VAT1L: variants seen among roughly 807,000 people sequenced by gnomAD.
VAT1L encodes putative NADPH-dependent quinone oxidoreductase VAT1L.
Under a neutral mutation model 44.1 loss-of-function variants are expected in VAT1L, and 34 were observed. The ratio of observed to expected loss-of-function variants is 0.77; its 90% confidence interval spans 0.59 to 1.03. The LOEUF (loss-of-function observed/expected upper bound fraction) is 1.03. Ranked by LOEUF, VAT1L falls within the 50% of genes least tolerant of loss-of-function variation. The probability of loss-of-function intolerance (pLI) is 0.00; values close to 1 mark genes in which losing one functional copy is unlikely to be tolerated. For missense variants in VAT1L, 615 were observed against 538.8 expected (o/e 1.14, Z -1.40); for synonymous variants, 253 against 202.2 (o/e 1.25, Z -2.13).
rs66461822 is a variant in VAT1L, at chr16:77,946,279, C to CT, written c.1078-25549dup. 1.4e-4 allele frequency among the ~76,000 whole-genome samples: 10 copies of CT among 70,428 alleles called. 1 individual carries two copies. The highest frequency in any genetic ancestry group is 3.2e-4 in the African/African-American group (6 of 18,904). The allele number at this position is 70,428 out of a possible 152,430, so 46.2% of individuals were successfully genotyped here. A position where few individuals can be genotyped will look rare whatever the true frequency, so the allele number is the denominator to read the frequency against. Reference sequence around the variant, plus strand: ...GTTCTGGACATCTAGGTTACTTGTTCTTTTTTTTTTTTTTTTTTTTTTGAG... The same window carrying CT: ...GTTCTGGACATCTAGGTTACTTGTTCTTTTTTTTTTTTTTTTTTTTTTTGAG... On this transcript the variant is annotated intron_variant, in intron 7 of 8. Transcript: ENST00000302536.
intron 7 of VAT1L, among the ~76,000 whole-genome samples, chr16:77,894,250 G>A (rs1375028302): frequency 2.0e-5 from 3 of 152,194 alleles, no homozygotes; most frequent in Non-Finnish European, 2.9e-5. Flanking sequence ...GAACCACCAC[G>A]GCCATCTGAC....
intron 3 of VAT1L, among the ~76,000 whole-genome samples, chr16:77,846,904 G>T (rs1567486161): frequency 6.6e-6 from 1 of 152,118 alleles, no homozygotes; most frequent in Admixed American, 6.5e-5. Context: ...ATACATATTA[G>T]AAAACTACTG....
At chr16:77,790,565 T>G (rs2015815250) in intron 1 of VAT1L, among the ~76,000 whole-genome samples, 1 of 152,096 alleles carries the variant, frequency 6.6e-6, no homozygotes, top group Admixed American at 6.6e-5. Context: ...AACCATGCAT[T>G]TAGAACTCTC....
At chr16:77,943,647 CT>C (rs2017921453) in intron 7 of VAT1L, among the ~76,000 whole-genome samples, 1 of 151,528 alleles carries the variant, frequency 6.6e-6, no homozygotes, top group African/African-American at 2.4e-5. Flanking sequence ...CATGATCCGC[CT>C]GTCTCGGCCT....
rs775102120 is a variant in VAT1L, at chr16:77,884,787, G to A, written c.1062G>A (p.Leu354=). 1.3e-6 allele frequency: 2 copies of A among 1,526,434 alleles called. 1 individual carries two copies. Among genetic ancestry groups the A allele is most frequent in the South Asian group, 2.6e-5 (2 of 76,866 alleles). The allele number at this position is 1,526,434 out of a possible 1,614,324, so 94.6% of individuals were successfully genotyped here. The stretch of plus-strand genomic sequence containing the variant: ...AGATCAAGCCTGTGGTGGACTCCTT[G>A]TGGGCTCTGGAGGAGGTAAGAATGG... ...QKKIKPVVDS[L]WALEEVKEAM... The change falls in exon 7 of 9, where the codon TTG becomes TTA. Residue 354 remains leucine, a synonymous_variant. Transcript: ENST00000302536. This position sits in a 1 kb window ranked among gnomAD's most constrained non-coding sequence, Gnocchi z 4.5.
Position 77,806,961 on chromosome 16 carries a change from G to GGGAT in VAT1L, c.234-9959_234-9956dup, listed in dbSNP as rs1376769855. ...GAGCAAGAGGCACGCCCATTCCTAA[G>GGGAT]GGATACTTTCTGTGAGAAGCACCTG... On this transcript the variant is annotated intron_variant, in intron 1 of 8. Transcript: ENST00000302536. Among the ~76,000 whole-genome samples the GGGAT allele has an allele frequency of 1.7e-4, 26 of 152,096 alleles. 1 individual carries two copies. Among genetic ancestry groups the GGGAT allele is most frequent in the Non-Finnish European group, 2.9e-5 (2 of 68,028 alleles).
At chr16:77,934,585 C>A (rs928446283) in intron 7 of VAT1L, among the ~76,000 whole-genome samples, 7 of 151,968 alleles carry the variant, frequency 4.6e-5, no homozygotes, top group African/African-American at 1.7e-4. Flanking sequence ...CATAATAAAC[C>A]CCTGTTGGTT....
rs574922547 is a variant in VAT1L at position 77,881,402 on chromosome 16, G to T, written c.882+2178G>T. ...GACAAACCCAAAATAAGCAAGATAT[G>T]TTAATTAACATGATTATAAATGGCT... On this transcript the variant is annotated intron_variant, in intron 6 of 8. Transcript: ENST00000302536. Among the ~76,000 whole-genome samples, 6 of 152,318 alleles carry T rather than the reference G, an allele frequency of 3.9e-5. No individual in the cohort carries two copies. In the South Asian group the frequency reaches 1.2e-3, roughly 32 times the overall value.
At chr16:77,836,773 C>G (rs1218348256) in intron 3 of VAT1L, among the ~76,000 whole-genome samples, 3 of 152,178 alleles carry the variant, frequency 2.0e-5, no homozygotes, top group Admixed American at 6.5e-5. Flanking sequence ...TTGTTTTTAT[C>G]TCCTTGACCG....
rs112017628 is a variant in VAT1L, at chr16:77,906,799, C to A, written c.1077+21997C>A. 5.5e-3 allele frequency among the ~76,000 whole-genome samples: 838 copies of A among 152,290 alleles called. 15 individuals are homozygous for A. The highest frequency in any genetic ancestry group is 0.019 in the African/African-American group (800 of 41,566). ...ACATCAGAGCTACCTCTGGGTGAAG[C>A]AGAGCTAAAGGCAGGGCCCAAGGAA... On this transcript the variant is annotated intron_variant, in intron 7 of 8. Coordinates refer to ENST00000302536, the MANE Select transcript of VAT1L (RefSeq NM_020927.3).
chr16:77,893,209 T>C (rs1361980968), intron 7 of VAT1L, among the ~76,000 whole-genome samples: 1 of 152,166 alleles, frequency 6.6e-6, no homozygotes, highest in Non-Finnish European at 1.5e-5. Flanking sequence ...TGGCAGCTGG[T>C]CTGGCTGGGA....
intron 2 of VAT1L, among the ~76,000 whole-genome samples, chr16:77,819,420 C>A (rs1350512570): frequency 6.6e-6 from 1 of 151,738 alleles, no homozygotes; most frequent in Non-Finnish European, 1.5e-5. Context: ...CTCACTCTGT[C>A]ACCTACGCTA....
At chr16:77,798,681 A>G (rs2015984647) in intron 1 of VAT1L, among the ~76,000 whole-genome samples, 1 of 152,184 alleles carries the variant, frequency 6.6e-6, no homozygotes, top group Non-Finnish European at 1.5e-5. Context: ...TGTATCCGCC[A>G]AAGACCACAA....
chr16:77,938,179 A>C (rs1490263463), intron 7 of VAT1L, among the ~76,000 whole-genome samples: 2 of 152,168 alleles, frequency 1.3e-5, no homozygotes, highest in African/African-American at 2.4e-5. Context: ...TTTCTGTTTT[A>C]ATATGCTACC....
chr16:77,904,876 A>T (rs1170702601), intron 7 of VAT1L, among the ~76,000 whole-genome samples: 1 of 151,990 alleles, frequency 6.6e-6, no homozygotes, highest in Non-Finnish European at 1.5e-5. Context: ...GTTTTCATTC[A>T]TTTGTAAGCC....
chr16:77,946,279 C>CGTTTTTTTTTTT (rs1223152362), intron 7 of VAT1L, among the ~76,000 whole-genome samples: 2 of 70,428 alleles, frequency 2.8e-5, no homozygotes, highest in African/African-American at 1.1e-4. Context: ...GTTACTTGTT[C>CGTTTTTTTTTTT]TTTTTTTTTT....
chr16:77,813,619 T>C (rs1353983604), intron 1 of VAT1L, among the ~76,000 whole-genome samples: 1 of 152,234 alleles, frequency 6.6e-6, no homozygotes, highest in Non-Finnish European at 1.5e-5. Context: ...GTTTTTTCTT[T>C]TAATTCTTCC....
At chr16:77,953,695 T>G (rs1026639873) in intron 7 of VAT1L, among the ~76,000 whole-genome samples, 3 of 152,112 alleles carry the variant, frequency 2.0e-5, no homozygotes, top group Non-Finnish European at 2.9e-5. Context: ...CAACTGTCTT[T>G]TCATTGCCCA....
At chr16:77,821,439 T>G (rs2016452122) in intron 2 of VAT1L, among the ~76,000 whole-genome samples, 1 of 152,094 alleles carries the variant, frequency 6.6e-6, no homozygotes, top group Non-Finnish European at 1.5e-5. Flanking sequence ...TAGCTGAGAT[T>G]ACAGCCACAC....
Sources: gnomAD v4.1 joint callset for allele counts (sites outside exome capture counted in the v4.1 genomes callset) on GRCh38, gnomAD v4.1.1 for gene constraint, Gnocchi (gnomAD v3.1) non-coding constraint, MANE v1.5 for transcripts, NCBI Gene and HGNC (gene_info 2026-07-23, HGNC 2026-07-21) for gene names.